The following PREX2 variants were observed in gnomAD, a reference collection of about 807,000 sequenced individuals.
The protein encoded by PREX2 is phosphatidylinositol-3,4,5-trisphosphate dependent Rac exchange factor 2, also known as phosphatidylinositol 3,4,5-trisphosphate-dependent Rac exchanger 2 protein.
A neutral mutation model predicts 203.2 loss-of-function variants in PREX2; 107 were observed. The ratio of observed to expected loss-of-function variants is 0.53; its 90% CI spans 0.45 to 0.62. PREX2 has a LOEUF of 0.62. Among genes scored for constraint, PREX2 ranks in the 20% least tolerant of loss-of-function variants. The pLI, the probability that PREX2 is intolerant of heterozygous loss-of-function variation, is 0.00. For synonymous variants in PREX2, 672 were observed against 663.6 expected (o/e 1.01, Z -0.19); for missense variants, 1,777 against 1,955.9 (o/e 0.91, Z 1.72).
intron 25 of PREX2, among the ~76,000 whole-genome samples, chr8:68,115,130 C>T (rs1421880378): frequency 6.9e-6 from 1 of 145,706 alleles, no homozygotes; most frequent in East Asian, 2.1e-4. Context: ...TGGGTTCAAG[C>T]AATTCTCCTG....
At chr8:68,060,632 G>A in intron 10 of PREX2, 47 bp from the exon 11 acceptor site, 3 of 1,339,098 alleles carry the variant, frequency 2.2e-6, no homozygotes, top group Non-Finnish European at 3.2e-6. Flanking sequence ...AAGACTTGCT[G>A]GGGAAAAAAT....
intron 37 of PREX2, among the ~76,000 whole-genome samples, chr8:68,210,235 C>G (rs926574757): frequency 6.6e-6 from 1 of 152,126 alleles, no homozygotes; most frequent in Non-Finnish European, 1.5e-5. Flanking sequence ...GTTTACATTT[C>G]CCATTTGTAA....
chr8:68,126,689 T>A (rs1810894804), intron 30 of PREX2, among the ~76,000 whole-genome samples: 1 of 152,108 alleles, frequency 6.6e-6, no homozygotes, highest in Admixed American at 6.6e-5. Context: ...TGTAAGTTTT[T>A]AAATTTACCT....
intron 1 of PREX2, among the ~76,000 whole-genome samples, chr8:68,014,440 C>T (rs893383726): frequency 2.0e-5 from 3 of 151,400 alleles, no homozygotes; most frequent in Admixed American, 6.6e-5. Context: ...GAAAGATCCT[C>T]GGGGTGCGGG....
chr8:68,052,371 A>G (rs984072310), intron 8 of PREX2, among the ~76,000 whole-genome samples: 7 of 152,214 alleles, frequency 4.6e-5, no homozygotes, highest in Admixed American at 2.6e-4. Flanking sequence ...CAGCTACTGT[A>G]TAGGGTTTGC....
intron 5 of PREX2, among the ~76,000 whole-genome samples, chr8:68,029,791 G>C (rs1023398128): frequency 6.6e-6 from 1 of 152,034 alleles, no homozygotes; most frequent in Non-Finnish European, 1.5e-5. Flanking sequence ...ATGTTTAAGA[G>C]ATTAAGGATT....
At chr8:68,128,317 A>T (rs1232148592) in intron 31 of PREX2, among the ~76,000 whole-genome samples, 1 of 152,232 alleles carries the variant, frequency 6.6e-6, no homozygotes, top group Admixed American at 6.5e-5. Context: ...ATTTGTTCCT[A>T]AAAAATATAA....
chr8:67,977,148 G>A (rs1806134230), intron 1 of PREX2, among the ~76,000 whole-genome samples: 1 of 152,276 alleles, frequency 6.6e-6, no homozygotes, highest in East Asian at 1.9e-4. Flanking sequence ...TGAGGGTAGG[G>A]CCTTATGAAT....
chr8:68,191,639 A>G, intron 35 of PREX2, 83 bp from the exon 36 acceptor site: 2 of 982,856 alleles, frequency 2.0e-6, no homozygotes, highest in Non-Finnish European at 3.2e-6. Context: ...TTTTAAAAAA[A>G]AGTCAGTGAT....
At position 67,952,246 on chromosome 8, in the gene PREX2, T is replaced by A. The variant is rs183319303; in HGVS notation, c.-149T>A. ...TCCCCTCCTCTCCCTGCGCCCAGCC[T>A]CTCCCCAGCATGTAAAGTCTTCTGT... On this transcript the variant is annotated 5_prime_UTR_variant, in exon 1 of 40. Transcript: ENST00000288368. The A allele has an allele frequency of 1.7e-4, 102 of 602,318 alleles. No homozygotes were observed. The African/African-American group carries it at 1.7e-3, about 10-fold the overall frequency. The allele number at this position is 602,318 out of a possible 1,614,324, so 37.3% of individuals were successfully genotyped here. A position where few individuals can be genotyped will look rare whatever the true frequency, so the allele number is the denominator to read the frequency against.
intron 30 of PREX2, 58 bp downstream of exon 30, chr8:68,121,107 A>G (rs2129613128): frequency 6.4e-7 from 1 of 1,570,898 alleles, no homozygotes; most frequent in South Asian, 1.2e-5. Flanking sequence ...TTTAAAACCC[A>G]CTAAAACCAA....
intron 5 of PREX2, 70 bp from the exon 6 acceptor site, chr8:68,030,427 G>T: frequency 6.9e-7 from 1 of 1,440,638 alleles, no homozygotes; most frequent in Middle Eastern, 2.3e-4. Context: ...TTCATTTCCT[G>T]GTCAGTCTGA....
At chr8:68,223,222 A>G (rs1307250264) in intron 38 of PREX2, 1 of 152,236 alleles carries the variant, frequency 6.6e-6, no homozygotes, top group Admixed American at 6.5e-5. Flanking sequence ...CACATGGAGT[A>G]TGTGAAGTCT....
At chr8:68,208,978 G>A (rs2129615073) in intron 37 of PREX2, among the ~76,000 whole-genome samples, 1 of 150,782 alleles carries the variant, frequency 6.6e-6, no homozygotes, top group East Asian at 2.0e-4. Flanking sequence ...CCCAAGGCAG[G>A]AGGATCACTT....
chr8:68,174,235 G>T (rs760840998), intron 35 of PREX2, among the ~76,000 whole-genome samples: 1 of 152,116 alleles, frequency 6.6e-6, no homozygotes, highest in Non-Finnish European at 1.5e-5. Flanking sequence ...TTAGCTTGCA[G>T]CCAGAACTTT....
chr8:68,231,442 C>T lies in PREX2; in HGVS notation c.*64C>T. On this transcript the variant is annotated 3_prime_UTR_variant, in exon 40 of 40. Transcript: ENST00000288368. ...AATGCTGGACTAGACAAACTACATG[C>T]TGGCTAAACATTCTCCACTGAAGAT... 3.9e-6 allele frequency: 5 copies of T among 1,295,398 alleles called. No individual in the cohort carries two copies. The highest frequency in any genetic ancestry group is 1.1e-6 in the Non-Finnish European group (1 of 941,050). The allele number at this position is 1,295,398 out of a possible 1,614,324, so 80.2% of individuals were successfully genotyped here.
intron 7 of PREX2, among the ~76,000 whole-genome samples, chr8:68,038,719 C>T (rs542146494): frequency 2.0e-5 from 3 of 152,276 alleles, no homozygotes; most frequent in Admixed American, 2.0e-4. Flanking sequence ...TCCCTCATCT[C>T]CCCTTTATAG....
intron 1 of PREX2, among the ~76,000 whole-genome samples, chr8:68,012,018 C>T (rs895506589): frequency 1.3e-5 from 2 of 152,066 alleles, no homozygotes; most frequent in African/African-American, 2.4e-5. Context: ...CAATAATGGT[C>T]CTGATTTCTG....
chr8:68,005,903 C>T (rs1807080736), intron 1 of PREX2, among the ~76,000 whole-genome samples: 1 of 152,216 alleles, frequency 6.6e-6, no homozygotes, highest in African/African-American at 2.4e-5. Context: ...GTGACTGTCT[C>T]ATGCAATAAG....
Sources: gnomAD v4.1 joint callset for allele counts (sites outside exome capture counted in the v4.1 genomes callset) on GRCh38, gnomAD v4.1.1 for gene constraint, MANE v1.5 for transcripts, NCBI Gene and HGNC (gene_info 2026-07-23, HGNC 2026-07-21) for gene names.